Variants in GRM5 observed in about 807,000 individuals in gnomAD.
GRM5 encodes the protein glutamate metabotropic receptor 5.
A neutral mutation model predicts 83.1 loss-of-function variants in GRM5; 19 were observed. The ratio of observed to expected loss-of-function variants is 0.23; its 90% CI spans 0.16 to 0.34. The LOEUF (loss-of-function observed/expected upper bound fraction) is 0.34. Among genes scored for constraint, GRM5 ranks in the 10% least tolerant of loss-of-function variants. The pLI is 1.00. For synonymous variants in GRM5, 675 were observed against 633.6 expected (o/e 1.07, Z -0.98); for missense variants, 1,160 against 1,588.3 (o/e 0.73, Z 4.58).
intron 7 of GRM5, among the ~76,000 whole-genome samples, chr11:88,574,577 G>A (rs946452081): frequency 3.3e-5 from 5 of 152,126 alleles, no homozygotes; most frequent in African/African-American, 9.7e-5. Flanking sequence ...GACAAGCCTG[G>A]CCAATATGGT....
At chr11:88,944,980 C>T (rs190178548) in intron 2 of GRM5, among the ~76,000 whole-genome samples, 64 of 152,032 alleles carry the variant, frequency 4.2e-4, no homozygotes, top group African/African-American at 1.2e-3. Flanking sequence ...CTCCACCAAA[C>T]GGCTCCTGGG....
At chr11:88,720,063 T>C (rs1470466171) in intron 3 of GRM5, among the ~76,000 whole-genome samples, 1 of 151,886 alleles carries the variant, frequency 6.6e-6, no homozygotes, top group African/African-American at 2.4e-5. Flanking sequence ...AAACTCTTTA[T>C]TGCTTGACTC....
chr11:88,546,041 C>A (rs747118995), intron 8 of GRM5, among the ~76,000 whole-genome samples: 2 of 151,926 alleles, frequency 1.3e-5, no homozygotes, highest in Admixed American at 6.6e-5. Flanking sequence ...AAATCTGTTT[C>A]CTGCCTTAAG....
At chr11:88,662,704 G>C (rs1467632565) in intron 3 of GRM5, among the ~76,000 whole-genome samples, 1 of 152,172 alleles carries the variant, frequency 6.6e-6, no homozygotes, top group East Asian at 1.9e-4. Context: ...GAGAGAGCTA[G>C]AGGAGAATCT....
intron 8 of GRM5, among the ~76,000 whole-genome samples, chr11:88,562,415 G>C (rs574953953): frequency 6.6e-6 from 1 of 152,018 alleles, no homozygotes; most frequent in Non-Finnish European, 1.5e-5. Context: ...TATTCTCACC[G>C]TGCAGGACCT....
chr11:88,867,064 T>C (rs1257701581), intron 2 of GRM5, among the ~76,000 whole-genome samples: 7 of 152,196 alleles, frequency 4.6e-5, no homozygotes, highest in East Asian at 3.9e-4. Context: ...CACTGGTCTA[T>C]ATATTTGTTT....
intron 2 of GRM5, among the ~76,000 whole-genome samples, chr11:88,944,310 G>A (rs1332866026): frequency 6.6e-6 from 1 of 151,950 alleles, no homozygotes; most frequent in Non-Finnish European, 1.5e-5. Flanking sequence ...GAAACATAAT[G>A]GAGCTTTGTG....
chr11:88,825,229 C>CTTTT (rs570503924), intron 3 of GRM5, among the ~76,000 whole-genome samples: 3,687 of 143,564 alleles, frequency 0.026, 152 homozygotes, highest in African/African-American at 0.089. Flanking sequence ...GGATCCTGAA[C>CTTTT]TTTTTTTTTT....
chr11:88,941,994 A>C lies in GRM5; in HGVS notation c.662-91839T>G, dbSNP rs116079228. Among the ~76,000 whole-genome samples the C allele has an allele frequency of 6.5e-3, 991 of 152,160 alleles. 7 individuals are homozygous for C. Among genetic ancestry groups the C allele is most frequent in the African/African-American group, 0.021 (860 of 41,542 alleles). ...GAAGACAGTTGCTTCATGAAGGGTG[A>C]CTAGGAAGAAATAATGCAAATATAT... is the stretch of plus-strand genomic sequence containing the variant. On this transcript the variant is annotated intron_variant, in intron 2 of 9. Coordinates refer to ENST00000305447, the MANE Select transcript of GRM5 (RefSeq NM_001143831.3).
intron 2 of GRM5, among the ~76,000 whole-genome samples, chr11:89,039,349 T>G (rs1941473371): frequency 6.6e-6 from 1 of 151,956 alleles, no homozygotes; most frequent in Admixed American, 6.6e-5. Flanking sequence ...CAACTGATTG[T>G]CAACATTGGG....
chr11:88,622,925 T>C (rs796597571), intron 4 of GRM5, among the ~76,000 whole-genome samples: 2 of 152,306 alleles, frequency 1.3e-5, no homozygotes, highest in African/African-American at 4.8e-5. Flanking sequence ...CATTATTGGA[T>C]TTTTGTTAAA....
At chr11:88,919,899 G>A (rs1197624464) in intron 2 of GRM5, among the ~76,000 whole-genome samples, 1 of 151,878 alleles carries the variant, frequency 6.6e-6, no homozygotes, top group Non-Finnish European at 1.5e-5. Context: ...TACAGAGAAA[G>A]CAATGTTAAG....
At chr11:88,895,902 A>G (rs565125599) in intron 2 of GRM5, among the ~76,000 whole-genome samples, 2 of 152,050 alleles carry the variant, frequency 1.3e-5, no homozygotes, top group South Asian at 4.1e-4. Flanking sequence ...AAGTTTAAAA[A>G]CGTATGTTTA....
intron 2 of GRM5, among the ~76,000 whole-genome samples, chr11:88,860,198 T>C (rs1487107188): frequency 6.6e-6 from 1 of 152,150 alleles, no homozygotes; most frequent in African/African-American, 2.4e-5. Flanking sequence ...CTTAAAAATA[T>C]TGGAGTCTTC....
At chr11:88,547,534 C>T (rs553799630) in intron 8 of GRM5, among the ~76,000 whole-genome samples, 1 of 152,312 alleles carries the variant, frequency 6.6e-6, no homozygotes, top group South Asian at 2.1e-4. Context: ...ATATAAGCAA[C>T]TCAAACACTC....
intron 4 of GRM5, among the ~76,000 whole-genome samples, chr11:88,645,676 A>T (rs1049273383): frequency 6.6e-6 from 1 of 152,106 alleles, no homozygotes; most frequent in African/African-American, 2.4e-5. Flanking sequence ...CTTTGAAACT[A>T]ATTTTTAGTA....
intron 2 of GRM5, among the ~76,000 whole-genome samples, chr11:88,997,324 T>A: frequency 9.3e-6 from 1 of 107,866 alleles, no homozygotes; most frequent in South Asian, 3.5e-4. Flanking sequence ...TGAAACTCTG[T>A]CTCAAAATTA....
intron 2 of GRM5, among the ~76,000 whole-genome samples, chr11:88,911,294 A>G (rs1565288455): frequency 1.3e-5 from 2 of 152,130 alleles, no homozygotes; most frequent in African/African-American, 4.8e-5. Flanking sequence ...TCGCCTACAC[A>G]GAACTGTAAT....
intron 2 of GRM5, among the ~76,000 whole-genome samples, chr11:89,040,140 TA>T (rs201655401): frequency 2.2e-4 from 32 of 147,382 alleles, no homozygotes; most frequent in South Asian, 4.3e-4. Context: ...CCTGTTTGTA[TA>T]AAAAAAAAAG....
Sources: gnomAD v4.1 joint callset for allele counts (sites outside exome capture counted in the v4.1 genomes callset) on GRCh38, gnomAD v4.1.1 for gene constraint, MANE v1.5 for transcripts, NCBI Gene and HGNC (gene_info 2026-07-23, HGNC 2026-07-21) for gene names.